DST: variants seen among roughly 807,000 people sequenced by gnomAD.
DST encodes the protein bullous pemphigoid antigen.
Under a neutral mutation model 875.2 loss-of-function variants are expected in DST, and 253 were observed. That is an observed-to-expected ratio of 0.29 (90% confidence interval 0.26 to 0.32). The LOEUF is 0.32. Ranked by LOEUF, DST falls within the 10% of genes least tolerant of loss-of-function variation. DST has a pLI of 1.00. For missense variants in DST, 8,287 were observed against 9,111.6 expected (o/e 0.91, Z 3.68); for synonymous variants, 3,124 against 3,197.1 (o/e 0.98, Z 0.77).
intron 3 of DST, among the ~76,000 whole-genome samples, chr6:56,885,360 GATA>G (rs1784253865): frequency 6.6e-6 from 1 of 152,166 alleles, no homozygotes; most frequent in South Asian, 2.1e-4. Flanking sequence ...TGGCTCATAT[GATA>G]ATGCTATTTT....
chr6:56,515,585 C>T lies in DST; in HGVS notation c.18441G>A (p.Gln6147=), dbSNP rs2096571564. 1.2e-6 allele frequency: 2 copies of T among 1,613,790 alleles called. No homozygotes were observed. The highest frequency in any genetic ancestry group is 1.3e-5 in the African/African-American group (1 of 74,940). ...TTTCCCAGAATTGGTTAACCAGGGACTGTGCCCGTTCCAGCTGCAGATACC... is the reference window on the plus strand; with the variant it reads ...TTTCCCAGAATTGGTTAACCAGGGATTGTGCCCGTTCCAGCTGCAGATACC... ...SERYLQLERA[Q]SLVNQFWETY... is the part of the protein sequence containing the mutation. Residue 6147 remains glutamine, a synonymous_variant, in exon 72 of 104, where the codon CAG becomes CAA. Transcript: ENST00000680361.
rs1231120350 is a variant in DST, at chr6:56,634,735, A to C, written c.3339+66T>G. ...GAAATCTTGATCACTAGTTAGCAAT[A>C]TGATCTCATTTACAAAATATATGAA... On this transcript the variant is annotated intron_variant, in intron 25 of 103. Coordinates refer to ENST00000680361, the MANE Select transcript of DST (RefSeq NM_001374736.1). 2.1e-5 allele frequency: 34 copies of C among 1,600,020 alleles called. No homozygotes were observed. The Admixed American group carries it at 5.5e-4, about 26-fold the overall frequency.
At chr6:56,923,463 CAAA>C (rs57118743) in intron 2 of DST, among the ~76,000 whole-genome samples, 4 of 48,714 alleles carry the variant, frequency 8.2e-5, no homozygotes, top group African/African-American at 1.4e-4. Flanking sequence ...GGCTCACTGG[CAAA>C]AAAAAAAAAA....
At position 56,555,739 on chromosome 6, in the gene DST, A is replaced by G. The variant is rs377411979; in HGVS notation, c.14742T>C (p.Arg4914=). Residue 4914 remains arginine, a synonymous_variant, in exon 60 of 104, where the codon CGT becomes CGC. Coordinates refer to ENST00000680361, the MANE Select transcript of DST (RefSeq NM_001374736.1). ...LSRPGEDPSL[R]GIVKEQLAAV... ...CTGCCAGTTGCTCTTTCACAATCCC[A>G]CGTAAAGAAGGGTCTTCTCCAGGCC... 3.1e-6 allele frequency: 5 copies of G among 1,607,036 alleles called. No individual in the cohort carries two copies. In the African/African-American group the frequency reaches 6.7e-5, roughly 21 times the overall value.
chr6:56,640,438 C>T lies in DST; in HGVS notation c.2195G>A (p.Gly732Glu), dbSNP rs2098882780. 2.5e-6 allele frequency: 4 copies of T among 1,613,964 alleles called. No individual in the cohort carries two copies. The highest frequency in any genetic ancestry group is 1.3e-5 in the African/African-American group (1 of 74,872). The part of the protein sequence containing the change: ...AQTLHPSLTS[G>E]LTQSLTPSLT... ...GGAAGGTGTTAAACTCTGGGTCAGC[C>T]CTGAGGTCAGACTAGGGTGTAAGGT... Residue 732 changes from glycine to glutamate, a missense_variant, in exon 18 of 104, where the codon GGG becomes GAG. This residue lies in a region of DST where 1,160 missense variants were observed against 1,424.3 expected (regional missense o/e 0.81). Coordinates refer to ENST00000680361, the MANE Select transcript of DST (RefSeq NM_001374736.1).
chr6:56,625,094 A>AT, intron 35 of DST, 63 bp downstream of exon 35: 2 of 1,181,704 alleles, frequency 1.7e-6, no homozygotes, highest in Non-Finnish European at 2.5e-6. Context: ...AAAAAATAAA[A>AT]TTTAAAAAGT....
intron 4 of DST, among the ~76,000 whole-genome samples, chr6:56,801,648 T>G (rs532024668): frequency 6.6e-6 from 1 of 152,196 alleles, no homozygotes; most frequent in South Asian, 2.1e-4. Context: ...ATATAATGTT[T>G]GAGAAGCCCC....
At chr6:56,487,321 A>G (rs1235474127) in intron 86 of DST, 48 bp from the exon 87 acceptor site, 1 of 1,499,080 alleles carries the variant, frequency 6.7e-7, no homozygotes, top group African/African-American at 1.4e-5. Context: ...TGGGACTAAT[A>G]AACAGGTAAG....
intron 1 of DST, among the ~76,000 whole-genome samples, 151 bp from the exon 2 acceptor site, chr6:56,953,970 C>A (rs922259407): frequency 6.6e-6 from 1 of 152,122 alleles, no homozygotes; most frequent in Non-Finnish European, 1.5e-5. Context: ...GAGGAGGAGT[C>A]CTGGGGCCAT....
At chr6:56,467,305 C>G (rs1412803645) in intron 98 of DST, 1 of 152,122 alleles carries the variant, frequency 6.6e-6, no homozygotes, top group Non-Finnish European at 1.5e-5. Context: ...TGTTTTAATA[C>G]TGAGTTTCAA....
At chr6:56,752,031 T>G (rs1191025626) in intron 4 of DST, among the ~76,000 whole-genome samples, 1 of 152,204 alleles carries the variant, frequency 6.6e-6, no homozygotes, top group Non-Finnish European at 1.5e-5. Context: ...ATTTCCATGC[T>G]TCTAAAGCTT....
chr6:56,789,371 A>G (rs2099711098), intron 4 of DST, among the ~76,000 whole-genome samples: 1 of 152,176 alleles, frequency 6.6e-6, no homozygotes, highest in African/African-American at 2.4e-5. Flanking sequence ...ATATATAGTT[A>G]TATATGCATA....
intron 4 of DST, among the ~76,000 whole-genome samples, chr6:56,740,108 G>A (rs780024329): frequency 7.9e-5 from 12 of 152,218 alleles, no homozygotes; most frequent in African/African-American, 2.2e-4. Flanking sequence ...CTCCCGCCTC[G>A]GCCTCCCAAA....
intron 5 of DST, among the ~76,000 whole-genome samples, chr6:56,712,375 CTTTCTCATAATT>C (rs1247763371): frequency 1.3e-5 from 2 of 152,146 alleles, no homozygotes; most frequent in East Asian, 3.8e-4. Context: ...ACTCCTCCTA[CTTTCTCATAATT>C]TGGGCAAAAG....
At chr6:56,858,849 C>T (rs1238786490) in intron 3 of DST, among the ~76,000 whole-genome samples, 1 of 152,126 alleles carries the variant, frequency 6.6e-6, no homozygotes, top group African/African-American at 2.4e-5. Flanking sequence ...ATTTAATACT[C>T]ACTGAAATCC....
intron 23 of DST, among the ~76,000 whole-genome samples, chr6:56,636,263 CACACAA>C (rs1007648680): frequency 2.0e-5 from 3 of 147,646 alleles, no homozygotes; most frequent in African/African-American, 7.9e-5. Flanking sequence ...TATACACACA[CACACAA>C]ACACACACAC....
intron 4 of DST, among the ~76,000 whole-genome samples, chr6:56,765,051 G>C (rs2099629869): frequency 6.6e-6 from 1 of 152,054 alleles, no homozygotes; most frequent in African/African-American, 2.4e-5. Context: ...CAGGAAATCT[G>C]TGTATGATTG....
rs148465628 is a variant in DST, at chr6:56,926,276, G to A, written c.217-25655C>T. On this transcript the variant is annotated intron_variant, in intron 2 of 103. Transcript: ENST00000680361. ...GGTCTCATTTATTCAGTAATTCAAC[G>A]AATATATTTTGAAACCTACTATATA... 2.3e-4 allele frequency among the ~76,000 whole-genome samples: 35 copies of A among 152,118 alleles called. No homozygotes were observed. The East Asian group carries it at 6.2e-3, about 27-fold the overall frequency.
At chr6:56,547,780 A>G (rs1293734420) in intron 61 of DST, among the ~76,000 whole-genome samples, 1 of 152,186 alleles carries the variant, frequency 6.6e-6, no homozygotes, top group African/African-American at 2.4e-5. Context: ...ATTTTGGTTT[A>G]CCGAATATTA....
Sources: gnomAD v4.1 joint callset for allele counts (sites outside exome capture counted in the v4.1 genomes callset) on GRCh38, gnomAD v4.1.1 for gene constraint, gnomAD v4.1.1 regional missense constraint, MANE v1.5 for transcripts, NCBI Gene and HGNC (gene_info 2026-07-23, HGNC 2026-07-21) for gene names.